Variants in MELTF observed in about 807,000 individuals in gnomAD.
MELTF encodes melanotransferrin.
MELTF carries 67 observed loss-of-function variants against 83.7 expected under a neutral mutation model. That is an observed-to-expected ratio of 0.80 (90% confidence interval 0.66 to 0.98). The LOEUF (loss-of-function observed/expected upper bound fraction) is 0.98, where lower values mean the gene tolerates loss of function less well. Ranked by LOEUF, MELTF falls within the 50% of genes least tolerant of loss-of-function variation. The pLI is 0.00. For missense variants in MELTF, 1,002 were observed against 1,035.6 expected (o/e 0.97, Z 0.44); for synonymous variants, 462 against 447.6 (o/e 1.03, Z -0.41).
chr3:197,025,218 C>T (rs539322594), intron 3 of MELTF, among the ~76,000 whole-genome samples: 13 of 152,366 alleles, frequency 8.5e-5, no homozygotes, highest in South Asian at 4.1e-4. Context: ...CAGGCATGCA[C>T]GCGTGCACAA....
In MELTF at chr3:197,017,218, C is replaced by T. The variant is rs767169502; in HGVS notation, c.785G>A (p.Arg262Gln). 55 of 1,597,226 alleles carry T rather than the reference C, an allele frequency of 3.4e-5. No homozygotes were observed. The East Asian group carries it at 7.0e-4, about 20-fold the overall frequency. ...CTGCCTCCACTCGGTGACATCGGCC[C>T]GGCTACCATCCCGGCACAGCAGCTC... ...DFELLCRDGS[R>Q]ADVTEWRQCH... is the part of the protein sequence containing the mutation. Residue 262 changes from arginine to glutamine, a missense_variant, in exon 7 of 16, where the codon CGG becomes CAG. Transcript: ENST00000296350.
At chr3:197,015,798 T>C (rs1001774178) in intron 8 of MELTF, among the ~76,000 whole-genome samples, 5 of 152,108 alleles carry the variant, frequency 3.3e-5, no homozygotes, top group African/African-American at 1.2e-4. Context: ...AGCTCACTTG[T>C]AGACTACTGC....
intron 10 of MELTF, 123 bp from the exon 11 acceptor site, chr3:197,009,935 G>C: frequency 1.1e-6 from 1 of 936,864 alleles, no homozygotes; most frequent in Non-Finnish European, 1.6e-6. Context: ...AGGCCAAAGA[G>C]TACCCAGGCC....
chr3:197,028,087 T>C, intron 1 of MELTF, 177 bp from the exon 2 acceptor site: 1 of 699,924 alleles, frequency 1.4e-6, no homozygotes, highest in Non-Finnish European at 2.3e-6. Context: ...GGGCTGGTAT[T>C]CCTGTGCTCA....
chr3:197,026,581 G>C (rs764769845), intron 3 of MELTF, 79 bp downstream of exon 3: 146 of 1,326,352 alleles, frequency 1.1e-4, no homozygotes, highest in Non-Finnish European at 1.3e-4. Context: ...GGCCAGCTCA[G>C]GCCAGGCCCA....
Position 197,011,909 on chromosome 3 carries a change from T to C in MELTF, c.1234-1115A>G, listed in dbSNP as rs1191777958. Reference sequence around the variant, plus strand: ...CCCCGTGGCCCTCTGTGAGCCCAGATTGAGAGGAGGCTGTCACTCAGAGGG... The same window carrying C: ...CCCCGTGGCCCTCTGTGAGCCCAGACTGAGAGGAGGCTGTCACTCAGAGGG... On this transcript the variant is annotated intron_variant, in intron 9 of 15. Transcript: ENST00000296350. The surrounding 1 kb of genome is among the most constrained non-coding windows in gnomAD (Gnocchi z 4.2). Among the ~76,000 whole-genome samples the C allele has an allele frequency of 2.6e-5, 4 of 152,152 alleles. No homozygotes were observed. Among genetic ancestry groups the C allele is most frequent in the East Asian group, 3.9e-4 (2 of 5,178 alleles).
intron 9 of MELTF, among the ~76,000 whole-genome samples, chr3:197,014,383 G>T (rs1158255715): frequency 1.1e-4 from 11 of 101,044 alleles, no homozygotes; most frequent in East Asian, 3.2e-4. Context: ...AATAGGGAGA[G>T]TTTTTTTTTT....
In MELTF at chr3:197,023,024, T is replaced by C. The variant is rs771046251; in HGVS notation, c.577A>G (p.Ser193Gly). The C allele has an allele frequency of 2.5e-6, 4 of 1,613,778 alleles. No individual in the cohort carries two copies. Among genetic ancestry groups the C allele is most frequent in the South Asian group, 2.2e-5 (2 of 91,074 alleles). ...TTGTCACACACCCCTTCCCCAGAGC[T>C]GTCACCCCTGCAGAGGCGACAGAGG... ...ESLCRLCRGDSSGEGVCDKSP... is the reference protein window; with the variant it reads ...ESLCRLCRGDGSGEGVCDKSP... Residue 193 changes from serine (S) to glycine (G), a missense_variant, in exon 5 of 16, where the codon AGC becomes GGC. Ser to Gly is a moderately conservative substitution (Grantham distance 56). Transcript: ENST00000296350.
intron 14 of MELTF, among the ~76,000 whole-genome samples, chr3:197,005,826 G>A (rs958665232): frequency 4.6e-5 from 7 of 150,762 alleles, no homozygotes; most frequent in African/African-American, 1.7e-4. Flanking sequence ...GGGGCCAGAG[G>A]AGAGGACTTG....
chr3:197,023,729 T>C (rs550216856), intron 4 of MELTF: 47 of 414,860 alleles, frequency 1.1e-4, no homozygotes, highest in African/African-American at 9.2e-4. Context: ...TCCTGGTTTT[T>C]TTTTTGTGAC....
chr3:197,012,208 T>C (rs1407841769), intron 9 of MELTF, among the ~76,000 whole-genome samples: 1 of 152,090 alleles, frequency 6.6e-6, no homozygotes, highest in Non-Finnish European at 1.5e-5. Flanking sequence ...GATCCAGAAG[T>C]GTGAAGACAG....
rs963400599 is a variant in MELTF, at chr3:197,008,408, G to A, written c.1750+249C>T. On this transcript the variant is annotated intron_variant, in intron 13 of 15. Coordinates refer to ENST00000296350, the MANE Select transcript of MELTF (RefSeq NM_005929.6). The surrounding 1 kb of genome is among the most constrained non-coding windows in gnomAD (Gnocchi z 5.4). Reference sequence around the variant, plus strand: ...ACTGGGATTGAGTTTCTACCGTTTCGGTGGATTAGGGACTTGAATTCCAGG... The same window carrying A: ...ACTGGGATTGAGTTTCTACCGTTTCAGTGGATTAGGGACTTGAATTCCAGG... Among the ~76,000 whole-genome samples the A allele has an allele frequency of 6.6e-5, 10 of 152,134 alleles. No homozygotes were observed. The highest frequency in any genetic ancestry group is 1.9e-4 in the African/African-American group (8 of 41,414).
Position 197,026,676 on chromosome 3 carries a change from G to T in MELTF, c.288C>A (p.Gly96=). The change falls in exon 3 of 16, where the codon GGC becomes GGA. Residue 96 remains glycine (G), a synonymous_variant. Transcript: ENST00000296350. The part of the protein sequence containing the change: ...GKEHGLKPVV[G]EVYDQEVGTS... ...CCCTCTTACCTTGATCGTACACTTCGCCCACCACCGGCTTCAGGCCGTGCT... is the reference window on the plus strand; with the variant it reads ...CCCTCTTACCTTGATCGTACACTTCTCCCACCACCGGCTTCAGGCCGTGCT... The T allele has an allele frequency of 6.2e-7, 1 of 1,613,144 alleles. No individual in the cohort carries two copies.
chr3:197,019,472 G>A (rs760748020), intron 6 of MELTF: 136 of 1,463,160 alleles, frequency 9.3e-5, no homozygotes, highest in Non-Finnish European at 1.2e-4. Flanking sequence ...GCTGCCAGGT[G>A]CACGCCTGTC....
chr3:197,021,319 C>A, intron 6 of MELTF, 85 bp downstream of exon 6: 1 of 1,358,402 alleles, frequency 7.4e-7, no homozygotes. Context: ...GCGTTTGATC[C>A]CAACTCTGCC....
chr3:197,022,950 C>CT lies in MELTF; in HGVS notation c.644+6_644+7insA. 6.2e-7 allele frequency: 1 copy of CT among 1,603,624 alleles called. No individual in the cohort carries two copies. The highest frequency in any genetic ancestry group is 8.5e-7 in the Non-Finnish European group (1 of 1,175,948). On this transcript the variant is annotated splice_region_variant and intron_variant, in intron 5 of 15. Coordinates refer to ENST00000296350, the MANE Select transcript of MELTF (RefSeq NM_005929.6). The surrounding 1 kb of genome is among the most constrained non-coding windows in gnomAD (Gnocchi z 5.1). ...CCTCGGCCCCTCCCTGCCCCCACTCCGCTCACCGGAAGGCCCCGCTGTAGT... is the reference window on the plus strand; with the variant it reads ...CCTCGGCCCCTCCCTGCCCCCACTCCTGCTCACCGGAAGGCCCCGCTGTAGT...
rs918800364 is a variant in MELTF, at chr3:197,013,391, A to C, written c.1233+1974T>G. On this transcript the variant is annotated intron_variant, in intron 9 of 15. Coordinates refer to ENST00000296350, the MANE Select transcript of MELTF (RefSeq NM_005929.6). ...CCAACTCAAAATGGATGAGAGGCCT[A>C]AATGCAGGGCCCAAGACAATAAAAT... Among the ~76,000 whole-genome samples, 7 of 152,236 alleles carry C rather than the reference A, an allele frequency of 4.6e-5. No homozygotes were observed. In the East Asian group the frequency reaches 1.3e-3, roughly 29 times the overall value.
rs1284664330 is a variant in MELTF, at chr3:197,008,140, G to C, written c.1750+517C>G. 6.6e-6 allele frequency among the ~76,000 whole-genome samples: 1 copy of C among 152,182 alleles called. No homozygotes were observed. The highest frequency in any genetic ancestry group is 1.5e-5 in the Non-Finnish European group (1 of 68,028). On this transcript the variant is annotated intron_variant, in intron 13 of 15. Coordinates refer to ENST00000296350, the MANE Select transcript of MELTF (RefSeq NM_005929.6). The surrounding 1 kb of genome is among the most constrained non-coding windows in gnomAD (Gnocchi z 5.4). ...GGAGCAGAGCGTTCCTGAGCTCTTTGTCCCAGGCGGAGCCCAGGAAGGTGA... is the reference window on the plus strand; with the variant it reads ...GGAGCAGAGCGTTCCTGAGCTCTTTCTCCCAGGCGGAGCCCAGGAAGGTGA...
At chr3:197,009,529 A>C in intron 11 of MELTF, 89 bp downstream of exon 11, 1 of 1,364,032 alleles carries the variant, frequency 7.3e-7, no homozygotes, top group Non-Finnish European at 1.0e-6. Context: ...GCCACCTTCC[A>C]ACAAGGTCCT....
Sources: gnomAD v4.1 joint callset for allele counts (sites outside exome capture counted in the v4.1 genomes callset) on GRCh38, gnomAD v4.1.1 for gene constraint, Gnocchi (gnomAD v3.1) non-coding constraint, MANE v1.5 for transcripts, NCBI Gene and HGNC (gene_info 2026-07-23, HGNC 2026-07-21) for gene names.